ALPK2: variants seen among roughly 807,000 people sequenced by gnomAD.
ALPK2 encodes the protein alpha kinase 2, also known as alpha-protein kinase 2.
ALPK2 carries 127 observed loss-of-function variants against 163.1 expected under a neutral mutation model. That is an observed-to-expected ratio of 0.78 (90% CI 0.67 to 0.90). ALPK2 has a LOEUF of 0.90. ALPK2 is among the 40% of genes least tolerant of loss of function. The pLI, the probability that ALPK2 is intolerant of heterozygous loss-of-function variation, is 0.00. For synonymous variants in ALPK2, 953 were observed against 959.1 expected, an observed-to-expected ratio of 0.99 and a Z score of 0.12; for missense variants, 2,360 against 2,589.6, an observed-to-expected ratio of 0.91 and a Z score of 1.92.
chr18:58,571,891 G>A (rs1009159976), intron 4 of ALPK2, among the ~76,000 whole-genome samples: 6 of 146,870 alleles, frequency 4.1e-5, no homozygotes, highest in Admixed American at 2.1e-4. Flanking sequence ...CAGGAGAATC[G>A]CTTGAACCTG....
At chr18:58,607,488 GAA>G (rs113295953) in intron 2 of ALPK2, 49 bp from the exon 3 acceptor site, 767 of 898,786 alleles carry the variant, frequency 8.5e-4, no homozygotes, top group South Asian at 1.3e-3. Context: ...GTATTTTTAG[GAA>G]AAAAAAAAAA....
At chr18:58,573,268 A>ATATGTATATATGTG (rs2051897013) in intron 4 of ALPK2, among the ~76,000 whole-genome samples, 1 of 147,892 alleles carries the variant, frequency 6.8e-6, no homozygotes, top group South Asian at 2.1e-4. Flanking sequence ...ATATGTGTAT[A>ATATGTATATATGTG]TATATGTATA....
At chr18:58,568,132 T>C (rs1167000613) in intron 4 of ALPK2, among the ~76,000 whole-genome samples, 1 of 152,214 alleles carries the variant, frequency 6.6e-6, no homozygotes, top group Non-Finnish European at 1.5e-5. Context: ...GTTTCCTAAG[T>C]GACCTCTTGG....
At chr18:58,619,054 AT>A (rs1256284700) in intron 1 of ALPK2, among the ~76,000 whole-genome samples, 1 of 152,200 alleles carries the variant, frequency 6.6e-6, no homozygotes, top group Non-Finnish European at 1.5e-5. Flanking sequence ...GTTACTGTAG[AT>A]TTGGACACCG....
chr18:58,620,264 T>C (rs2052191433), intron 1 of ALPK2, among the ~76,000 whole-genome samples: 1 of 152,132 alleles, frequency 6.6e-6, no homozygotes, highest in African/African-American at 2.4e-5. Context: ...GCACTCCAGC[T>C]TGGACGACAG....
At position 58,498,083 on chromosome 18, in the gene ALPK2, G is replaced by A. The variant is rs2051410371; in HGVS notation, c.6262C>T (p.Leu2088=). The A allele has an allele frequency of 3.1e-6, 5 of 1,614,014 alleles. No individual in the cohort carries two copies. Among genetic ancestry groups the A allele is most frequent in the Non-Finnish European group, 4.2e-6 (5 of 1,180,004 alleles). ...VTDMQGVGMK[L]TDVGIATLAK... is the part of the protein sequence containing the mutation. ...AGCGTTGCTATGCCAACGTCAGTTA[G>A]CTTCATTCCTACACCTACAGGAAGA... Residue 2088 remains leucine, a synonymous_variant, in exon 12 of 13, where the codon CTA becomes TTA. Coordinates refer to ENST00000361673, the MANE Select transcript of ALPK2 (RefSeq NM_052947.4).
At chr18:58,572,835 G>A (rs527437584) in intron 4 of ALPK2, among the ~76,000 whole-genome samples, 2 of 152,304 alleles carry the variant, frequency 1.3e-5, no homozygotes, top group African/African-American at 4.8e-5. Flanking sequence ...GGTGATAAAT[G>A]TCTGTAGATC....
intron 1 of ALPK2, among the ~76,000 whole-genome samples, chr18:58,621,051 G>T (rs1053654348): frequency 1.3e-5 from 2 of 151,804 alleles, no homozygotes; most frequent in African/African-American, 4.8e-5. Flanking sequence ...TACTCAGGAG[G>T]CTGAGGCAGG....
At chr18:58,530,379 C>A (rs2051606798) in intron 5 of ALPK2, among the ~76,000 whole-genome samples, 1 of 152,196 alleles carries the variant, frequency 6.6e-6, no homozygotes, top group African/African-American at 2.4e-5. Flanking sequence ...GAAAATGTAA[C>A]AAGTACGTAT....
In ALPK2 at chr18:58,537,041, G is replaced by A. The variant is rs2051653772; in HGVS notation, c.3146C>T (p.Ser1049Phe). ...CAACTGCACTTGGGAAGGAAATTGG[G>A]AAACCTTTTCATGGGATGCACGAGG... ...RFPRASHEKV[S>F]QFPSQVQLDH... The change falls in exon 5 of 13, where the codon TCC becomes TTC. Residue 1049 changes from serine (S) to phenylalanine (F), a missense_variant. Ser to Phe is a radical substitution (Grantham distance 155). Coordinates refer to ENST00000361673, the MANE Select transcript of ALPK2 (RefSeq NM_052947.4). The A allele has an allele frequency of 6.2e-7, 1 of 1,613,884 alleles. No individual in the cohort carries two copies. The highest frequency in any genetic ancestry group is 8.5e-7 in the Non-Finnish European group (1 of 1,179,786).
At chr18:58,502,094 A>C (rs9955113) in intron 11 of ALPK2, among the ~76,000 whole-genome samples, 2,470 of 150,120 alleles carry the variant, frequency 0.016, 61 homozygotes, top group African/African-American at 0.058. Context: ...TGAGTCCAGG[A>C]GTTCAAGACC....
intron 3 of ALPK2, chr18:58,600,565 G>A (rs1369167139): frequency 6.6e-6 from 1 of 152,174 alleles, no homozygotes; most frequent in Admixed American, 6.5e-5. Context: ...CGGCTCCTAG[G>A]GTCTGTCTGT....
chr18:58,498,339 A>C (rs1378132707), intron 11 of ALPK2, among the ~76,000 whole-genome samples: 1 of 152,132 alleles, frequency 6.6e-6, no homozygotes, highest in Non-Finnish European at 1.5e-5. Context: ...TCTGGAAATG[A>C]AGTCCTCTGC....
intron 1 of ALPK2, among the ~76,000 whole-genome samples, chr18:58,626,883 CAAA>C (rs10715073): frequency 7.1e-6 from 1 of 140,626 alleles, no homozygotes; most frequent in Non-Finnish European, 1.5e-5. Flanking sequence ...AAAGTTTTAG[CAAA>C]AAAAAAAAAG....
At chr18:58,562,967 T>C (rs2051832662) in intron 4 of ALPK2, among the ~76,000 whole-genome samples, 1 of 152,226 alleles carries the variant, frequency 6.6e-6, no homozygotes, top group South Asian at 2.1e-4. Flanking sequence ...CACCTGCTAA[T>C]AGTATCACAT....
At chr18:58,520,915 C>CT (rs2051547180) in intron 8 of ALPK2, among the ~76,000 whole-genome samples, 1 of 152,176 alleles carries the variant, frequency 6.6e-6, no homozygotes, top group South Asian at 2.1e-4. Context: ...ACTCAGGAGG[C>CT]TTAGGTGGGA....
chr18:58,483,865 C>T (rs2051324747), intron 12 of ALPK2, among the ~76,000 whole-genome samples: 1 of 151,988 alleles, frequency 6.6e-6, no homozygotes, highest in South Asian at 2.1e-4. Flanking sequence ...ATGCCCGGCC[C>T]TTGCTCACTT....
chr18:58,598,231 C>T (rs761817550), intron 3 of ALPK2, among the ~76,000 whole-genome samples: 7 of 152,342 alleles, frequency 4.6e-5, no homozygotes, highest in Non-Finnish European at 8.8e-5. Context: ...GGATCCAGAG[C>T]GGCAGCTCCT....
At chr18:58,592,490 T>C (rs913718703) in intron 3 of ALPK2, among the ~76,000 whole-genome samples, 9 of 152,192 alleles carry the variant, frequency 5.9e-5, no homozygotes, top group African/African-American at 2.2e-4. Flanking sequence ...TCCTGGCAGA[T>C]GCACCGGAGC....
Sources: allele counts gnomAD v4.1 joint callset (sites outside exome capture counted in the v4.1 genomes callset), GRCh38; gene constraint gnomAD v4.1.1; transcripts MANE v1.5; gene names NCBI Gene and HGNC (gene_info 2026-07-23, HGNC 2026-07-21).